Variants in DTNA observed in about 807,000 individuals in gnomAD.
DTNA encodes the protein dystrobrevin alpha.
In DTNA, 43 loss-of-function variants were observed where a neutral mutation model predicts 100.7. That is an observed-to-expected ratio of 0.43 (90% CI 0.33 to 0.55). The LOEUF is 0.55. Ranked by LOEUF, DTNA falls within the 20% of genes least tolerant of loss-of-function variation. The pLI is 0.04. For missense variants in DTNA, 798 were observed against 953.9 expected (o/e 0.84, Z 2.15); for synonymous variants, 349 against 347.9 (o/e 1.00, Z -0.04).
chr18:34,652,084 AAG>A lies in DTNA; in HGVS notation c.-1-103891_-1-103890del, dbSNP rs1568124952. Among the ~76,000 whole-genome samples, 1,164 of 150,982 alleles carry A rather than the reference AAG, an allele frequency of 7.7e-3. 14 individuals are homozygous for A. Among genetic ancestry groups the A allele is most frequent in the African/African-American group, 0.026 (1,081 of 40,998 alleles). On this transcript the variant is annotated intron_variant, in intron 1 of 19. Coordinates refer to the DTNA transcript ENST00000283365. ...CTGTCTCAAAAGAAAGAAAAGAAAA[AAG>A]GAAGGAAGGAAGGAAGGTAGGAAGG...
intron 2 of DTNA, 112 bp downstream of exon 2, chr18:34,756,155 G>T: frequency 7.7e-7 from 1 of 1,290,744 alleles, no homozygotes; most frequent in Non-Finnish European, 1.1e-6. Flanking sequence ...AGGATCCTAA[G>T]TTCCTTTCAT....
At chr18:34,751,721 T>C (rs1461206285) in intron 1 of DTNA, among the ~76,000 whole-genome samples, 1 of 152,246 alleles carries the variant, frequency 6.6e-6, no homozygotes, top group Non-Finnish European at 1.5e-5. Flanking sequence ...CTATTTCAGA[T>C]CATTCCAGAA....
At chr18:34,754,830 G>A (rs1297377561) in intron 1 of DTNA, among the ~76,000 whole-genome samples, 1 of 152,160 alleles carries the variant, frequency 6.6e-6, no homozygotes, top group Non-Finnish European at 1.5e-5. Context: ...GAGGTGCAGA[G>A]GACAGGCACC....
chr18:34,510,488 C>T (rs1461504073), intron 1 of DTNA, among the ~76,000 whole-genome samples: 2 of 151,954 alleles, frequency 1.3e-5, no homozygotes, highest in African/African-American at 4.8e-5. Context: ...CTCCCTGTTC[C>T]ATCAGTCATT....
Position 34,875,367 on chromosome 18 carries a change from A to AG in DTNA, c.1877dup (p.Asp627ArgfsTer17). 6.2e-7 allele frequency: 1 copy of AG among 1,614,204 alleles called. No individual in the cohort carries two copies. Among genetic ancestry groups the AG allele is most frequent in the Non-Finnish European group, 8.5e-7 (1 of 1,180,038 alleles). On this transcript the variant is annotated frameshift_variant, in exon 18 of 23. Transcript: ENST00000444659. The stretch of plus-strand genomic sequence containing the variant: ...CGCCGCAGGACTCCCTCACAGGAGT[A>AG]GGGGGAGATGTACAAGAGGCATTTG...
intron 1 of DTNA, among the ~76,000 whole-genome samples, chr18:34,699,296 C>G (rs2146110844): frequency 6.6e-6 from 1 of 152,164 alleles, no homozygotes; most frequent in East Asian, 1.9e-4. Context: ...AAGTTCCAGG[C>G]TGAATCCAAA....
At chr18:34,740,675 G>A (rs1045692735) in intron 1 of DTNA, among the ~76,000 whole-genome samples, 24 of 151,942 alleles carry the variant, frequency 1.6e-4, no homozygotes, top group African/African-American at 5.3e-4. Flanking sequence ...GCACGCCTGT[G>A]GTCCCCATTA....
intron 1 of DTNA, among the ~76,000 whole-genome samples, chr18:34,558,864 G>A (rs544934008): frequency 1.1e-4 from 16 of 152,300 alleles, no homozygotes; most frequent in Non-Finnish European, 1.6e-4. Flanking sequence ...TAGGGAAGGA[G>A]GAAGCAATGC....
At chr18:34,581,246 T>TCAAAACAAAA (rs10671354) in intron 1 of DTNA, among the ~76,000 whole-genome samples, 5,260 of 144,854 alleles carry the variant, frequency 0.036, 110 homozygotes, top group Middle Eastern at 0.079. Context: ...AGATTGGGTC[T>TCAAAACAAAA]CAAAACAAAA....
intron 11 of DTNA, among the ~76,000 whole-genome samples, chr18:34,836,837 T>C (rs2096160021): frequency 6.6e-6 from 1 of 152,096 alleles, no homozygotes; most frequent in Non-Finnish European, 1.5e-5. Context: ...ATTTATCAGA[T>C]ACCTCACTAT....
intron 1 of DTNA, among the ~76,000 whole-genome samples, chr18:34,625,399 C>T (rs1211277102): frequency 6.6e-6 from 1 of 152,154 alleles, no homozygotes; most frequent in African/African-American, 2.4e-5. Flanking sequence ...TCTGGAACTC[C>T]TGGTGTCAGA....
At chr18:34,865,674 T>C (rs2096692137) in intron 17 of DTNA, among the ~76,000 whole-genome samples, 1 of 152,206 alleles carries the variant, frequency 6.6e-6, no homozygotes, top group Admixed American at 6.5e-5. Flanking sequence ...CCTTTCCAAA[T>C]ATACCAAATG....
intron 17 of DTNA, among the ~76,000 whole-genome samples, chr18:34,874,875 C>T (rs1382890326): frequency 1.3e-5 from 2 of 152,226 alleles, no homozygotes; most frequent in Non-Finnish European, 2.9e-5. Flanking sequence ...GTATTTTAAA[C>T]TTTCTCCTTA....
At chr18:34,783,997 AG>A (rs2094429130) in intron 3 of DTNA, among the ~76,000 whole-genome samples, 1 of 152,166 alleles carries the variant, frequency 6.6e-6, no homozygotes, top group African/African-American at 2.4e-5. Context: ...CCATTCTTTA[AG>A]TTGTGCTCCA....
At chr18:34,597,307 T>G (rs1328668262) in intron 1 of DTNA, among the ~76,000 whole-genome samples, 1 of 152,210 alleles carries the variant, frequency 6.6e-6, no homozygotes, top group African/African-American at 2.4e-5. Context: ...TGACTCTTTC[T>G]GGTTTCTCTT....
chr18:34,642,644 C>T (rs1367704338), intron 1 of DTNA, among the ~76,000 whole-genome samples: 3 of 151,908 alleles, frequency 2.0e-5, no homozygotes, highest in Non-Finnish European at 2.9e-5. Context: ...CTGCGACCTC[C>T]GACTCCCTGG....
intron 1 of DTNA, among the ~76,000 whole-genome samples, chr18:34,516,395 A>T (rs541655358): frequency 6.6e-6 from 1 of 152,058 alleles, no homozygotes; most frequent in Non-Finnish European, 1.5e-5. Flanking sequence ...ATGAAGTTTC[A>T]TGTCCCACTG....
intron 1 of DTNA, among the ~76,000 whole-genome samples, chr18:34,613,741 G>T (rs1399125398): frequency 1.3e-5 from 2 of 152,208 alleles, no homozygotes; most frequent in Non-Finnish European, 2.9e-5. Flanking sequence ...GAAGCTAGGA[G>T]AGGTTGGTTC....
intron 1 of DTNA, among the ~76,000 whole-genome samples, chr18:34,510,344 A>G (rs1390683212): frequency 2.6e-5 from 4 of 151,710 alleles, no homozygotes; most frequent in Admixed American, 1.3e-4. Flanking sequence ...ACTAGCATCT[A>G]GCATCTAGTT....
Sources: gnomAD v4.1 joint callset for allele counts (sites outside exome capture counted in the v4.1 genomes callset) on GRCh38, gnomAD v4.1.1 for gene constraint, MANE v1.5 for transcripts, NCBI Gene and HGNC (gene_info 2026-07-23, HGNC 2026-07-21) for gene names.